Variants in RIN2 observed in about 807,000 individuals in gnomAD.
The protein encoded by RIN2 is Ras and Rab interactor 2, also known as RAB5 interacting protein 2.
A neutral mutation model predicts 78.0 loss-of-function variants in RIN2; 36 were observed. That is an observed-to-expected ratio of 0.46 (90% CI 0.35 to 0.61). RIN2 has a LOEUF of 0.61. Among genes scored for constraint, RIN2 ranks in the 20% least tolerant of loss-of-function variants. RIN2 has a pLI of 0.00. For synonymous variants in RIN2, 466 were observed against 466.8 expected, an observed-to-expected ratio of 1.00 and a Z score of 0.02; for missense variants, 1,087 against 1,159.7, an observed-to-expected ratio of 0.94 and a Z score of 0.91.
chr20:19,999,836 A>G (rs148168737), intron 12 of RIN2, among the ~76,000 whole-genome samples: 110 of 152,320 alleles, frequency 7.2e-4, no homozygotes, highest in African/African-American at 2.2e-3. Flanking sequence ...TCTGCAAAGT[A>G]TTTGGCAAAA....
chr20:19,985,779 G>T (rs1207719503), intron 9 of RIN2, among the ~76,000 whole-genome samples: 4 of 152,154 alleles, frequency 2.6e-5, no homozygotes, highest in African/African-American at 7.2e-5. Context: ...ATCTGTAAAG[G>T]TTTCAGGTGT....
chr20:19,939,267 C>T (rs780647391), intron 4 of RIN2, among the ~76,000 whole-genome samples: 3 of 152,132 alleles, frequency 2.0e-5, no homozygotes, highest in Admixed American at 2.0e-4. Context: ...AGTCTGATCT[C>T]GAATTCCTGG....
chr20:19,952,102 G>T (rs2041340105), intron 4 of RIN2, among the ~76,000 whole-genome samples: 1 of 152,200 alleles, frequency 6.6e-6, no homozygotes, highest in South Asian at 2.1e-4. Flanking sequence ...CGTGGGCTCT[G>T]CCTGGTCCCA....
chr20:19,950,403 T>G (rs911950920), intron 4 of RIN2, among the ~76,000 whole-genome samples: 5 of 152,190 alleles, frequency 3.3e-5, no homozygotes, highest in Admixed American at 1.3e-4. Flanking sequence ...AGTGAGATGG[T>G]AGATATTATT....
At chr20:19,786,785 G>A (rs1305339289) in intron 1 of RIN2, among the ~76,000 whole-genome samples, 2 of 152,206 alleles carry the variant, frequency 1.3e-5, no homozygotes, top group Non-Finnish European at 2.9e-5. Context: ...TATAGCGGAA[G>A]TTGATAGGAC....
intron 3 of RIN2, among the ~76,000 whole-genome samples, chr20:19,892,216 T>C (rs2038500694): frequency 6.6e-6 from 1 of 152,138 alleles, no homozygotes; most frequent in African/African-American, 2.4e-5. Context: ...ATTCATTAAT[T>C]AATTAATTAA....
At chr20:19,958,308 T>A (rs1386904234) in intron 5 of RIN2, among the ~76,000 whole-genome samples, 1 of 152,268 alleles carries the variant, frequency 6.6e-6, no homozygotes, top group Non-Finnish European at 1.5e-5. Flanking sequence ...CTGTGAAGCC[T>A]AACTTTCAGC....
chr20:19,935,239 G>A, intron 4 of RIN2, 40 bp downstream of exon 4: 3 of 1,526,186 alleles, frequency 2.0e-6, no homozygotes, highest in Non-Finnish European at 2.7e-6. Flanking sequence ...GCGAGAAAGG[G>A]ATCGAGTGAA....
intron 8 of RIN2, among the ~76,000 whole-genome samples, chr20:19,972,076 T>C (rs1157966229): frequency 1.3e-5 from 2 of 152,142 alleles, no homozygotes; most frequent in Admixed American, 6.5e-5. Context: ...AAGGATTGCC[T>C]TCTGTGTTTG....
chr20:19,844,617 T>G (rs1264558810), intron 2 of RIN2, among the ~76,000 whole-genome samples: 23 of 76,388 alleles, frequency 3.0e-4, no homozygotes, highest in African/African-American at 1.1e-3. Flanking sequence ...TTCTTCTTCT[T>G]CTTCTTCTTC....
chr20:19,998,502 T>C (rs2043042244), intron 12 of RIN2, among the ~76,000 whole-genome samples: 1 of 152,048 alleles, frequency 6.6e-6, no homozygotes, highest in Non-Finnish European at 1.5e-5. Context: ...TCCCAGCTAC[T>C]CAGGAGGCTA....
chr20:19,814,985 TA>T (rs1211978015), intron 2 of RIN2, among the ~76,000 whole-genome samples: 9 of 152,330 alleles, frequency 5.9e-5, no homozygotes, highest in African/African-American at 2.2e-4. Context: ...TTATGTTTTA[TA>T]AGCTTGATCA....
At chr20:19,998,079 A>T (rs2043027267) in intron 12 of RIN2, among the ~76,000 whole-genome samples, 1 of 151,674 alleles carries the variant, frequency 6.6e-6, no homozygotes, top group Non-Finnish European at 1.5e-5. Context: ...CCCAGGTTCA[A>T]ACGATTCTCC....
intron 2 of RIN2, among the ~76,000 whole-genome samples, chr20:19,802,923 G>A (rs1338117194): frequency 1.3e-5 from 2 of 152,146 alleles, no homozygotes; most frequent in East Asian, 1.9e-4. Flanking sequence ...ACTCCAAGGA[G>A]CACAACCTGA....
At chr20:19,760,475 A>G (rs942409872) in intron 1 of RIN2, among the ~76,000 whole-genome samples, 3 of 152,128 alleles carry the variant, frequency 2.0e-5, no homozygotes, top group Non-Finnish European at 4.4e-5. Context: ...TTATTTAAAG[A>G]TAACTTCGCA....
chr20:19,817,486 A>G (rs1328846215), intron 2 of RIN2, among the ~76,000 whole-genome samples: 1 of 151,868 alleles, frequency 6.6e-6, no homozygotes, highest in African/African-American at 2.4e-5. Flanking sequence ...TGCAATGGGG[A>G]TTCGGTTTCA....
intron 3 of RIN2, among the ~76,000 whole-genome samples, chr20:19,910,911 G>C (rs1269345278): frequency 6.6e-6 from 1 of 151,968 alleles, no homozygotes; most frequent in South Asian, 2.1e-4. Context: ...TTCCAGAATA[G>C]TTGCAAGAAG....
intron 2 of RIN2, among the ~76,000 whole-genome samples, chr20:19,874,332 G>A (rs779407252): frequency 3.9e-5 from 6 of 152,200 alleles, no homozygotes; most frequent in Non-Finnish European, 8.8e-5. Context: ...TGAAAATGCT[G>A]TGACCAGGGG....
intron 4 of RIN2, among the ~76,000 whole-genome samples, chr20:19,952,623 T>C (rs1167899928): frequency 6.6e-6 from 1 of 152,162 alleles, no homozygotes; most frequent in Non-Finnish European, 1.5e-5. Flanking sequence ...CAAAGGCTTT[T>C]CAGCTCCTTG....
Sources: allele counts gnomAD v4.1 joint callset (sites outside exome capture counted in the v4.1 genomes callset), GRCh38; gene constraint gnomAD v4.1.1; transcripts MANE v1.5; gene names NCBI Gene and HGNC (gene_info 2026-07-23, HGNC 2026-07-21).